The following ANKFN1 variants were observed in gnomAD, a reference collection of about 807,000 sequenced individuals.
ANKFN1 encodes the protein ankyrin repeat and fibronectin type III domain containing 1.
Under a neutral mutation model 108.7 loss-of-function variants are expected in ANKFN1, and 74 were observed. That is an observed-to-expected ratio of 0.68 (90% CI 0.56 to 0.83). ANKFN1 has a LOEUF of 0.83. Ranked by LOEUF, ANKFN1 falls within the 40% of genes least tolerant of loss-of-function variation. The probability of loss-of-function intolerance (pLI) is 0.00; values close to 1 mark genes in which losing one functional copy is unlikely to be tolerated. For missense variants in ANKFN1, 1,505 were observed against 1,382.3 expected (o/e 1.09, Z -1.41); for synonymous variants, 547 against 516.2 (o/e 1.06, Z -0.81).
At chr17:56,208,594 T>C in intron 1 of ANKFN1, among the ~76,000 whole-genome samples, 1 of 152,214 alleles carries the variant, frequency 6.6e-6, no homozygotes, top group East Asian at 1.9e-4. Flanking sequence ...TTCCTCATGA[T>C]ATCCGCTGAT....
intron 3 of ANKFN1, among the ~76,000 whole-genome samples, chr17:56,308,556 C>A (rs2044912637): frequency 6.6e-6 from 1 of 151,830 alleles, no homozygotes; most frequent in African/African-American, 2.4e-5. Flanking sequence ...AATAAAATGC[C>A]TTTTATTGCA....
At chr17:56,419,103 T>C (rs1418793128) in intron 8 of ANKFN1, among the ~76,000 whole-genome samples, 1 of 152,216 alleles carries the variant, frequency 6.6e-6, no homozygotes, top group Non-Finnish European at 1.5e-5. Flanking sequence ...CAGGTCAGAA[T>C]CTCCAGGCAG....
At position 56,257,528 on chromosome 17, in the gene ANKFN1, C is replaced by T. The variant is rs527543209; in HGVS notation, c.53+29571C>T. 2.1e-4 allele frequency among the ~76,000 whole-genome samples: 32 copies of T among 152,278 alleles called. No individual in the cohort carries two copies. The East Asian group carries it at 5.8e-3, about 28-fold the overall frequency. On this transcript the variant is annotated intron_variant, in intron 3 of 20. Coordinates refer to ENST00000682825, the MANE Select transcript of ANKFN1 (RefSeq NM_001370326.1). ...ATATGGTGGTGGGAGCATTTTCCAA[C>T]ATTCTCCACACCAAACTTAGCTTCT...
chr17:56,440,088 C>CAA lies in ANKFN1; in HGVS notation c.911-233_911-232dup, dbSNP rs68177367. ...AATATACATTATATTTATCAAGGCT[C>CAA]AAAAAAACTGATAAGTTTTTATTAT... is the stretch of plus-strand genomic sequence containing the variant. On this transcript the variant is annotated intron_variant, in intron 8 of 20. Coordinates refer to ENST00000682825, the MANE Select transcript of ANKFN1 (RefSeq NM_001370326.1). 9.9e-5 allele frequency among the ~76,000 whole-genome samples: 15 copies of CAA among 151,960 alleles called. No homozygotes were observed. In the South Asian group the frequency reaches 1.9e-3, roughly 19 times the overall value.
intron 20 of ANKFN1, among the ~76,000 whole-genome samples, chr17:56,506,285 G>C (rs569573772): frequency 6.7e-6 from 1 of 150,130 alleles, no homozygotes; most frequent in South Asian, 2.1e-4. Context: ...TTGAAAAAAG[G>C]GTCATTGCAG....
intron 4 of ANKFN1, among the ~76,000 whole-genome samples, chr17:56,129,673 A>C (rs1907161289): frequency 6.6e-6 from 1 of 152,162 alleles, no homozygotes. Flanking sequence ...TATTATTTTA[A>C]ATGTATATTG....
At chr17:56,301,543 G>A (rs906648517) in intron 3 of ANKFN1, among the ~76,000 whole-genome samples, 9 of 152,178 alleles carry the variant, frequency 5.9e-5, no homozygotes, top group African/African-American at 2.2e-4. Flanking sequence ...AAAGCTAGGG[G>A]AACACTTGTC....
intron 3 of ANKFN1, among the ~76,000 whole-genome samples, chr17:56,281,589 A>G (rs2044084328): frequency 1.3e-5 from 2 of 152,224 alleles, no homozygotes; most frequent in African/African-American, 4.8e-5. Context: ...GGCTGGAAAA[A>G]TATATTCATG....
chr17:56,471,291 G>C (rs2050309442), intron 15 of ANKFN1: 1 of 128,360 alleles, frequency 7.8e-6, no homozygotes, highest in Non-Finnish European at 1.6e-5. Flanking sequence ...CATCCTTTGT[G>C]ATCCTAGGGA....
intron 8 of ANKFN1, among the ~76,000 whole-genome samples, chr17:56,378,125 CT>C (rs1363691737): frequency 6.6e-6 from 1 of 152,132 alleles, no homozygotes; most frequent in Non-Finnish European, 1.5e-5. Flanking sequence ...CTGACAGGGC[CT>C]TTCAGGAGCT....
intron 2 of ANKFN1, among the ~76,000 whole-genome samples, chr17:56,220,407 A>C (rs543883672): frequency 1.1e-4 from 16 of 152,188 alleles, no homozygotes; most frequent in Non-Finnish European, 1.9e-4. Context: ...TAATTTTAGC[A>C]CTTTGGGAGG....
intron 4 of ANKFN1, among the ~76,000 whole-genome samples, chr17:56,095,693 C>T (rs963223141): frequency 2.0e-5 from 3 of 152,098 alleles, no homozygotes; most frequent in Admixed American, 2.0e-4. Context: ...GTGCTTATGC[C>T]CTGAGCGCAA....
intron 3 of ANKFN1, among the ~76,000 whole-genome samples, chr17:56,268,328 C>G (rs985918690): frequency 6.6e-6 from 1 of 152,148 alleles, no homozygotes; most frequent in African/African-American, 2.4e-5. Context: ...TCCTGAATGA[C>G]CTTTGGGTAA....
rs71139906 is a variant in ANKFN1, at chr17:56,401,368, A to ATTGTGTTGTG, written c.910+26689_910+26698dup. 3.6e-3 allele frequency among the ~76,000 whole-genome samples: 487 copies of ATTGTGTTGTG among 135,624 alleles called. 2 individuals carry two copies. The highest frequency in any genetic ancestry group is 0.011 in the Middle Eastern group (3 of 284). 89.0% of individuals were successfully genotyped at this position (135,624 alleles called of 152,430 possible). A position where few individuals can be genotyped will look rare whatever the true frequency, so the allele number is the denominator to read the frequency against. On this transcript the variant is annotated intron_variant, in intron 8 of 20. Coordinates refer to ENST00000682825, the MANE Select transcript of ANKFN1 (RefSeq NM_001370326.1). ...ATTGTATTGTATTGTATTGTATTGT[A>ATTGTGTTGTG]TTGTGTTGTGTTGTGTTGTGTTGTG...
At chr17:56,288,796 G>A (rs1385829743) in intron 3 of ANKFN1, among the ~76,000 whole-genome samples, 1 of 151,974 alleles carries the variant, frequency 6.6e-6, no homozygotes, top group African/African-American at 2.4e-5. Flanking sequence ...TTTATGAAGT[G>A]ACACCATCCT....
At chr17:56,172,651 G>A (rs964742465) in intron 1 of ANKFN1, among the ~76,000 whole-genome samples, 1 of 152,146 alleles carries the variant, frequency 6.6e-6, no homozygotes, top group Non-Finnish European at 1.5e-5. Context: ...AGAGCCAGGG[G>A]AGCTGCCAAG....
chr17:56,370,912 T>G (rs2046792955), intron 6 of ANKFN1, among the ~76,000 whole-genome samples: 1 of 151,508 alleles, frequency 6.6e-6, no homozygotes, highest in African/African-American at 2.4e-5. Context: ...TATTGCCAAT[T>G]TTTCCACTGG....
At chr17:56,318,609 G>A (rs1005842304) in intron 3 of ANKFN1, among the ~76,000 whole-genome samples, 7 of 152,080 alleles carry the variant, frequency 4.6e-5, no homozygotes, top group Non-Finnish European at 8.8e-5. Context: ...TTTTAACATC[G>A]TTATAAATAC....
At position 56,324,415 on chromosome 17, in the gene ANKFN1, A is replaced by T. The variant is rs185825655; in HGVS notation, c.54-1806A>T. Among the ~76,000 whole-genome samples, 4 of 152,342 alleles carry T rather than the reference A, an allele frequency of 2.6e-5. No homozygotes were observed. In the East Asian group the frequency reaches 7.7e-4, roughly 29 times the overall value. On this transcript the variant is annotated intron_variant, in intron 3 of 20. Coordinates refer to ENST00000682825, the MANE Select transcript of ANKFN1 (RefSeq NM_001370326.1). ...TTGACTCAACTTGAGTATTTGCTCT[A>T]GAAAGTGTTGCTACTATTATCAGTG...
Sources: allele counts gnomAD v4.1 joint callset (sites outside exome capture counted in the v4.1 genomes callset), GRCh38; gene constraint gnomAD v4.1.1; transcripts MANE v1.5; gene names NCBI Gene and HGNC (gene_info 2026-07-23, HGNC 2026-07-21).